The following ATP2B2 variants were observed in gnomAD, a reference collection of about 807,000 sequenced individuals.
The protein encoded by ATP2B2 is plasma membrane calcium-transporting ATPase 2.
ATP2B2 carries 15 observed loss-of-function variants against 120.0 expected under a neutral mutation model. The observed-to-expected ratio is 0.12, with a 90% CI of 0.08 to 0.19. ATP2B2 has a LOEUF of 0.19. Ranked by LOEUF, ATP2B2 falls within the 10% of genes least tolerant of loss-of-function variation. The probability of loss-of-function intolerance (pLI) is 1.00; values close to 1 mark genes in which losing one functional copy is unlikely to be tolerated. For missense variants in ATP2B2, 1,045 were observed against 1,719.8 expected (o/e 0.61, Z 6.94); for synonymous variants, 694 against 700.3 (o/e 0.99, Z 0.14).
chr3:10,570,581 C>T (rs1045626265), intron 2 of ATP2B2, among the ~76,000 whole-genome samples: 1 of 152,186 alleles, frequency 6.6e-6, no homozygotes, highest in South Asian at 2.1e-4. Context: ...ATTTTTCCCT[C>T]GTAATTAAGG....
intron 2 of ATP2B2, among the ~76,000 whole-genome samples, chr3:10,558,853 G>A (rs2125525897): frequency 6.6e-6 from 1 of 152,256 alleles, no homozygotes; most frequent in Non-Finnish European, 1.5e-5. Flanking sequence ...ACAGGAGAGG[G>A]GAGGGGAGGA....
intron 1 of ATP2B2, among the ~76,000 whole-genome samples, chr3:10,696,875 G>A (rs1054725643): frequency 1.3e-5 from 2 of 152,200 alleles, no homozygotes; most frequent in African/African-American, 4.8e-5. Flanking sequence ...CCAAGGAGTC[G>A]CCATTAGGTC....
At chr3:10,405,347 C>T (rs556229657) in intron 3 of ATP2B2, among the ~76,000 whole-genome samples, 1 of 152,284 alleles carries the variant, frequency 6.6e-6, no homozygotes, top group Non-Finnish European at 1.5e-5. Flanking sequence ...CCTTGGAGGG[C>T]ACTCACTCTG....
In ATP2B2 at chr3:10,402,407, G is replaced by A. The variant is rs1197289063; in HGVS notation, c.398-59C>T. 8 of 1,603,280 alleles carry A rather than the reference G, an allele frequency of 5.0e-6. No individual in the cohort carries two copies. Among genetic ancestry groups the A allele is most frequent in the Non-Finnish European group, 6.8e-6 (8 of 1,177,612 alleles). ...TCAACCAGACAGGAGAGGCCTCATGGGCCTGGATTTACAGCTCAGCTCTGC... is the reference window on the plus strand; with the variant it reads ...TCAACCAGACAGGAGAGGCCTCATGAGCCTGGATTTACAGCTCAGCTCTGC... On this transcript the variant is annotated intron_variant, in intron 3 of 22. Transcript: ENST00000360273. The surrounding 1 kb of genome is among the most constrained non-coding windows in gnomAD (Gnocchi z 4.9).
Position 10,701,385 on chromosome 3 carries a change from G to A in ATP2B2, c.-460+6530C>T, listed in dbSNP as rs148052740. On this transcript the variant is annotated intron_variant, in intron 1 of 21. Coordinates refer to the ATP2B2 transcript ENST00000646379. ...TCAACAGTTCATTTCTCCAAATAGC[G>A]CCAAAAGCAGATTTTTCAAGTTAAT... Among the ~76,000 whole-genome samples, 39 of 152,176 alleles carry A rather than the reference G, an allele frequency of 2.6e-4. 1 individual carries two copies. In the East Asian group the frequency reaches 6.0e-3, roughly 23 times the overall value.
At chr3:10,601,046 AGGAGACCCCTGTGGGTCT>A (rs2068894611) in intron 2 of ATP2B2, among the ~76,000 whole-genome samples, 1 of 152,188 alleles carries the variant, frequency 6.6e-6, no homozygotes, top group Admixed American at 6.5e-5. Context: ...GGTGCCAGCC[AGGAGACCCCTGTGGGTCT>A]GTGAGCCTAC....
intron 1 of ATP2B2, among the ~76,000 whole-genome samples, chr3:10,483,608 G>T (rs1201090381): frequency 1.3e-5 from 2 of 152,186 alleles, no homozygotes; most frequent in Non-Finnish European, 2.9e-5. Context: ...TTCTCTGCGG[G>T]CTTAATTCTA....
At chr3:10,361,622 C>T (rs567938190) in intron 12 of ATP2B2, among the ~76,000 whole-genome samples, 6 of 152,342 alleles carry the variant, frequency 3.9e-5, no homozygotes, top group South Asian at 2.1e-4. Flanking sequence ...CATGGCTGCC[C>T]GAACACGGGC....
intron 1 of ATP2B2, among the ~76,000 whole-genome samples, chr3:10,666,283 G>A (rs2070931093): frequency 6.6e-6 from 1 of 152,182 alleles, no homozygotes; most frequent in Admixed American, 6.5e-5. Context: ...TGACCAGAGT[G>A]GGCACGGGCA....
intron 14 of ATP2B2, among the ~76,000 whole-genome samples, chr3:10,354,558 C>T (rs1423379275): frequency 6.6e-6 from 1 of 152,184 alleles, no homozygotes; most frequent in African/African-American, 2.4e-5. Context: ...GATAACCCGG[C>T]AAATCCCAGA....
At chr3:10,690,117 A>G (rs1290486468) in intron 1 of ATP2B2, among the ~76,000 whole-genome samples, 1 of 152,242 alleles carries the variant, frequency 6.6e-6, no homozygotes, top group Non-Finnish European at 1.5e-5. Flanking sequence ...AACAATGTTC[A>G]TGTCAAAAGC....
intron 1 of ATP2B2, among the ~76,000 whole-genome samples, chr3:10,474,863 AC>A (rs1194533394): frequency 6.6e-6 from 1 of 151,962 alleles, no homozygotes; most frequent in Non-Finnish European, 1.5e-5. Flanking sequence ...CTACACTATC[AC>A]TGTCTTTCTG....
chr3:10,346,189 C>G lies in ATP2B2; in HGVS notation c.2405-52G>C, dbSNP rs1369987913. ...CCTGGGCCACTCAGGTGGGAGGCAGCCTGGGCCAGCCCTGGTCCTCGGGAG... is the reference window on the plus strand; with the variant it reads ...CCTGGGCCACTCAGGTGGGAGGCAGGCTGGGCCAGCCCTGGTCCTCGGGAG... On this transcript the variant is annotated intron_variant, in intron 16 of 22. Transcript: ENST00000360273. The surrounding 1 kb of genome is among the most constrained non-coding windows in gnomAD (Gnocchi z 4.1). 5 of 1,577,674 alleles carry G rather than the reference C, an allele frequency of 3.2e-6. No individual in the cohort carries two copies. Among genetic ancestry groups the G allele is most frequent in the Non-Finnish European group, 4.3e-6 (5 of 1,157,828 alleles).
intron 1 of ATP2B2, among the ~76,000 whole-genome samples, chr3:10,489,009 C>T (rs1368355282): frequency 6.6e-6 from 1 of 152,188 alleles, no homozygotes; most frequent in Non-Finnish European, 1.5e-5. Context: ...ATCTCCTACC[C>T]CTGCCTCCTC....
chr3:10,651,131 A>C (rs2070450481), intron 1 of ATP2B2, among the ~76,000 whole-genome samples: 2 of 152,150 alleles, frequency 1.3e-5, no homozygotes, highest in East Asian at 3.9e-4. Context: ...CTTGTCTTGG[A>C]TGAGACTTTG....
At chr3:10,643,370 T>C (rs1484534888) in intron 1 of ATP2B2, among the ~76,000 whole-genome samples, 2 of 152,070 alleles carry the variant, frequency 1.3e-5, no homozygotes, top group Non-Finnish European at 2.9e-5. Context: ...ATAGTAAAGA[T>C]GGATCAAGCA....
chr3:10,627,095 C>T (rs2069725097), intron 1 of ATP2B2, among the ~76,000 whole-genome samples: 1 of 152,206 alleles, frequency 6.6e-6, no homozygotes, highest in South Asian at 2.1e-4. Flanking sequence ...AACTAATTCT[C>T]ACCCTCCCAG....
intron 1 of ATP2B2, among the ~76,000 whole-genome samples, chr3:10,702,694 T>A (rs908839963): frequency 6.6e-6 from 1 of 152,210 alleles, no homozygotes. Context: ...TTTTCCTAAG[T>A]CCCACTTTTT....
intron 1 of ATP2B2, among the ~76,000 whole-genome samples, chr3:10,484,629 T>A (rs1249161256): frequency 2.6e-5 from 4 of 152,136 alleles, no homozygotes; most frequent in African/African-American, 9.7e-5. Flanking sequence ...CCCAGCCCTG[T>A]CCCTGCCCTG....
Sources: gnomAD v4.1 joint callset for allele counts (sites outside exome capture counted in the v4.1 genomes callset) on GRCh38, gnomAD v4.1.1 for gene constraint, Gnocchi (gnomAD v3.1) non-coding constraint, MANE v1.5 for transcripts, NCBI Gene and HGNC (gene_info 2026-07-23, HGNC 2026-07-21) for gene names.